Variants in ZNF667 observed in about 807,000 individuals in gnomAD.
ZNF667 encodes the protein myocardial ischemic preconditioning upregulated 1 ortholog.
A neutral mutation model predicts 31.8 loss-of-function variants in ZNF667; 13 were observed. The observed-to-expected ratio is 0.41, with a 90% CI of 0.27 to 0.65. The LOEUF (loss-of-function observed/expected upper bound fraction) is 0.65. Ranked by LOEUF, ZNF667 falls within the 30% of genes least tolerant of loss-of-function variation. The probability of loss-of-function intolerance (pLI) is 0.32; values close to 1 mark genes in which losing one functional copy is unlikely to be tolerated. For synonymous variants in ZNF667, 228 were observed against 247.1 expected, an observed-to-expected ratio of 0.92 and a Z score of 0.73; for missense variants, 642 against 725.6, an observed-to-expected ratio of 0.88 and a Z score of 1.32.
At chr19:56,461,900 A>G (rs1043943382) in intron 4 of ZNF667, among the ~76,000 whole-genome samples, 2 of 152,236 alleles carry the variant, frequency 1.3e-5, no homozygotes, top group African/African-American at 4.8e-5. Context: ...CTCCATGTAA[A>G]TATGGGTTTT....
upstream of ZNF667, chr19:56,477,638 CAGG>C (rs1189949198): frequency 6.6e-6 from 1 of 152,532 alleles, no homozygotes; most frequent in East Asian, 1.9e-4. Context: ...TTCATCCTCT[CAGG>C]AGATCACGTG....
At chr19:56,460,159 A>T (rs957474563) in intron 5 of ZNF667, among the ~76,000 whole-genome samples, 5 of 152,244 alleles carry the variant, frequency 3.3e-5, no homozygotes, top group African/African-American at 1.2e-4. Flanking sequence ...GAGTGAAAAC[A>T]ACCCAAATGC....
intron 6 of ZNF667, chr19:56,443,996 G>A (rs2042670842): frequency 2.7e-6 from 1 of 365,226 alleles, no homozygotes; most frequent in South Asian, 1.5e-4. Flanking sequence ...TATACTATGA[G>A]TATAAAACAT....
At chr19:56,469,525 C>A (rs2043240871) in intron 3 of ZNF667, among the ~76,000 whole-genome samples, 2 of 152,262 alleles carry the variant, frequency 1.3e-5, no homozygotes, top group East Asian at 1.9e-4. Flanking sequence ...GGGTCCTACA[C>A]CCCCACCCCC....
chr19:56,450,818 TATAAG>T (rs1356060103), intron 6 of ZNF667, among the ~76,000 whole-genome samples: 1 of 152,162 alleles, frequency 6.6e-6, no homozygotes, highest in African/African-American at 2.4e-5. Context: ...ATTAATGGGT[TATAAG>T]ATATTATTTA....
intron 6 of ZNF667, among the ~76,000 whole-genome samples, chr19:56,448,159 G>A (rs1416541635): frequency 1.3e-5 from 2 of 152,084 alleles, no homozygotes. Context: ...CAACAAGAGA[G>A]AATCTATGTG....
intron 6 of ZNF667, among the ~76,000 whole-genome samples, chr19:56,451,106 C>T (rs1259415178): frequency 6.6e-6 from 1 of 151,498 alleles, no homozygotes; most frequent in Non-Finnish European, 1.5e-5. Flanking sequence ...CCTATAAAGA[C>T]ACACATAGAC....
At chr19:56,459,929 T>C (rs534423152) in intron 5 of ZNF667, among the ~76,000 whole-genome samples, 7 of 151,944 alleles carry the variant, frequency 4.6e-5, no homozygotes, top group African/African-American at 1.7e-4. Context: ...GAGGCGGAGG[T>C]TGCAGTGAGC....
At chr19:56,442,810 A>T in intron 6 of ZNF667, 69 bp from the exon 7 acceptor site, 1 of 1,458,870 alleles carries the variant, frequency 6.9e-7, no homozygotes, top group South Asian at 1.6e-5. Flanking sequence ...CTACAATATA[A>T]ATGTAATTAT....
chr19:56,458,166 C>A lies in ZNF667; in HGVS notation c.242G>T (p.Arg81Leu), dbSNP rs546201102. 1.6e-5 allele frequency: 26 copies of A among 1,614,126 alleles called. No individual in the cohort carries two copies. The South Asian group carries it at 2.6e-4, about 16-fold the overall frequency. ...TCTCTGTCACTCACCAGGAGCCCGG[C>A]GTCTTCTTACTGGCTCTACCATCCA... is the stretch of plus-strand genomic sequence containing the variant. Reference protein sequence around the residue: ...APWMVEPVRRRRAPDSGSKCE... With the variant: ...APWMVEPVRRLRAPDSGSKCE... Residue 81 changes from arginine to leucine, a missense_variant, in exon 6 of 7, where the codon CGC becomes CTC. Arg to Leu is a moderately radical substitution (Grantham distance 102, BLOSUM62 -2). Coordinates refer to ENST00000504904, the MANE Select transcript of ZNF667 (RefSeq NM_001321356.2).
At chr19:56,476,535 G>C (rs976873705) in intron 1 of ZNF667, among the ~76,000 whole-genome samples, 6 of 152,164 alleles carry the variant, frequency 3.9e-5, no homozygotes, top group Admixed American at 3.3e-4. Flanking sequence ...GCTCTGTGCA[G>C]GGTGTTTCAG....
chr19:56,452,696 G>T (rs955833172), intron 6 of ZNF667, among the ~76,000 whole-genome samples: 1 of 152,070 alleles, frequency 6.6e-6, no homozygotes, highest in East Asian at 1.9e-4. Flanking sequence ...AAGGTGGGCG[G>T]ATCACCTGAG....
At chr19:56,466,006 G>A (rs545763302) in intron 3 of ZNF667, among the ~76,000 whole-genome samples, 2 of 152,330 alleles carry the variant, frequency 1.3e-5, no homozygotes, top group Non-Finnish European at 2.9e-5. Context: ...GAATGCCGAC[G>A]TAACCAGCTC....
At chr19:56,459,532 G>C (rs2043001094) in intron 5 of ZNF667, among the ~76,000 whole-genome samples, 1 of 152,146 alleles carries the variant, frequency 6.6e-6, no homozygotes. Flanking sequence ...GAAGTTCTGA[G>C]TCCCAGATCC....
At chr19:56,464,547 T>C (rs2147798679) in intron 3 of ZNF667, among the ~76,000 whole-genome samples, 1 of 152,170 alleles carries the variant, frequency 6.6e-6, no homozygotes, top group East Asian at 1.9e-4. Context: ...GTGTTGCTTT[T>C]TACCCTTTTC....
Position 56,449,357 on chromosome 19 carries a change from G to T in ZNF667, c.254-6616C>A, listed in dbSNP as rs1172249312. 1.8e-5 allele frequency: 6 copies of T among 341,490 alleles called. No individual in the cohort carries two copies. The East Asian group carries it at 4.7e-4, about 27-fold the overall frequency. The allele number at this position is 341,490 out of a possible 1,614,324, so 21.2% of individuals were successfully genotyped here. A position where few individuals can be genotyped will look rare whatever the true frequency, so the allele number is the denominator to read the frequency against. ...CCAGTTCTGGAGTGACAGAGCTAAT[G>T]TGACCGTTCAGTCAGAGAATTCAAA... On this transcript the variant is annotated intron_variant, in intron 6 of 6. Coordinates refer to ENST00000504904, the MANE Select transcript of ZNF667 (RefSeq NM_001321356.2).
At chr19:56,469,859 T>C (rs1201123549) in intron 3 of ZNF667, 1 of 453,152 alleles carries the variant, frequency 2.2e-6, no homozygotes, top group African/African-American at 2.0e-5. Flanking sequence ...CTGAATGGCT[T>C]TGTAATAAAT....
In ZNF667 at chr19:56,442,738, G is replaced by T; in HGVS notation, c.257C>A (p.Ser86Ter). ...CTTCTTGGTCTCACATTTAGACCCC[G>T]AGTCTGAAAGACATAAAGGAATTAA... is the stretch of plus-strand genomic sequence containing the variant. ...EPVRRRRAPD[S>*]GSKCETKKLP... is the part of the protein sequence containing the mutation. The change falls in exon 7 of 7, where the codon TCG (serine) becomes TAG (stop). Residue 86 changes from serine (S) to a stop codon, truncating the protein, a stop_gained. Coordinates refer to ENST00000504904, the MANE Select transcript of ZNF667 (RefSeq NM_001321356.2). LOFTEE classifies it low-confidence loss of function (END_TRUNC). 1 of 1,554,942 alleles carries T rather than the reference G, an allele frequency of 6.4e-7. No individual in the cohort carries two copies. Among genetic ancestry groups the T allele is most frequent in the South Asian group, 1.2e-5 (1 of 82,062 alleles).
In ZNF667 at chr19:56,449,363, G is replaced by A. The variant is rs181536579; in HGVS notation, c.254-6622C>T. On this transcript the variant is annotated intron_variant, in intron 6 of 6. Coordinates refer to ENST00000504904, the MANE Select transcript of ZNF667 (RefSeq NM_001321356.2). The stretch of plus-strand genomic sequence containing the variant: ...CTGGAGTGACAGAGCTAATGTGACC[G>A]TTCAGTCAGAGAATTCAAAATAGCT... 7.0e-4 allele frequency: 231 copies of A among 328,720 alleles called. 3 individuals carry two copies. Among genetic ancestry groups the A allele is most frequent in the African/African-American group, 4.7e-3 (212 of 45,494 alleles). 20.4% of individuals were successfully genotyped at this position (328,720 alleles called of 1,614,324 possible).
Sources: gnomAD v4.1 joint callset for allele counts (sites outside exome capture counted in the v4.1 genomes callset) on GRCh38, gnomAD v4.1.1 for gene constraint, MANE v1.5 for transcripts, NCBI Gene and HGNC (gene_info 2026-07-23, HGNC 2026-07-21) for gene names.